The following COLEC12 variants were observed in gnomAD, a reference collection of about 807,000 sequenced individuals.
COLEC12 encodes collectin subfamily member 12, also known as collectin-12.
In COLEC12, 33 loss-of-function variants were observed where a neutral mutation model predicts 71.1. That is an observed-to-expected ratio of 0.46 (90% CI 0.35 to 0.62). The LOEUF (loss-of-function observed/expected upper bound fraction) is 0.62, where lower values mean the gene tolerates loss of function less well. Among genes scored for constraint, COLEC12 ranks in the 20% least tolerant of loss-of-function variants. The pLI is 0.00. For missense variants in COLEC12, 765 were observed against 916.1 expected (o/e 0.84, Z 2.13); for synonymous variants, 350 against 353.0 (o/e 0.99, Z 0.10).
At chr18:478,440 T>C (rs2846663) in intron 2 of COLEC12, among the ~76,000 whole-genome samples, 91,739 of 151,888 alleles carry the variant, frequency 0.6, 27,776 homozygotes, top group South Asian at 0.75. Flanking sequence ...TAGTAAGACA[T>C]TGTCTCTACA....
chr18:463,054 G>A (rs1917013714), intron 2 of COLEC12, among the ~76,000 whole-genome samples: 1 of 152,156 alleles, frequency 6.6e-6, no homozygotes, highest in African/African-American at 2.4e-5. Context: ...GAGGGTGGCA[G>A]GTTCTGAAGA....
At chr18:378,818 A>T (rs898779698) in intron 2 of COLEC12, among the ~76,000 whole-genome samples, 2 of 151,840 alleles carry the variant, frequency 1.3e-5, no homozygotes, top group African/African-American at 4.8e-5. Context: ...TCTCCCCTCC[A>T]TTCTTACATC....
At chr18:350,308 T>G (rs1238295666) in intron 3 of COLEC12, among the ~76,000 whole-genome samples, 1 of 152,178 alleles carries the variant, frequency 6.6e-6, no homozygotes, top group Non-Finnish European at 1.5e-5. Flanking sequence ...TGCTGCCGTG[T>G]AAGAAGTGCC....
chr18:372,077 C>T (rs935383885), intron 2 of COLEC12, among the ~76,000 whole-genome samples: 75 of 152,170 alleles, frequency 4.9e-4, no homozygotes, highest in African/African-American at 1.7e-3. Context: ...AGTACCAACA[C>T]TGTGAACCAG....
At chr18:455,492 GTTTTAC>G (rs1916850308) in intron 2 of COLEC12, among the ~76,000 whole-genome samples, 1 of 151,898 alleles carries the variant, frequency 6.6e-6, no homozygotes, top group Non-Finnish European at 1.5e-5. Context: ...GTTAGCCAGT[GTTTTAC>G]TTTAAGTTCT....
At chr18:367,515 C>G (rs1914882202) in intron 2 of COLEC12, among the ~76,000 whole-genome samples, 1 of 152,194 alleles carries the variant, frequency 6.6e-6, no homozygotes, top group Non-Finnish European at 1.5e-5. Context: ...GTCGAAGACA[C>G]TTAAAATTAA....
chr18:343,518 G>A (rs964541811), intron 5 of COLEC12, among the ~76,000 whole-genome samples: 4 of 151,870 alleles, frequency 2.6e-5, no homozygotes, highest in Middle Eastern at 3.4e-3. Context: ...TATTCTCCTC[G>A]CAGCCCCCAG....
intron 2 of COLEC12, among the ~76,000 whole-genome samples, chr18:376,235 G>A (rs773525676): frequency 3.9e-5 from 6 of 152,166 alleles, no homozygotes; most frequent in Admixed American, 2.0e-4. Flanking sequence ...TCCAGGGACC[G>A]TTTCCTTACA....
chr18:388,145 T>C (rs1384834739), intron 2 of COLEC12, among the ~76,000 whole-genome samples: 1 of 152,140 alleles, frequency 6.6e-6, no homozygotes, highest in African/African-American at 2.4e-5. Context: ...GCAGGAGGGG[T>C]AAGGAACAAA....
At chr18:486,100 T>C (rs1403180267) in intron 1 of COLEC12, among the ~76,000 whole-genome samples, 1 of 152,248 alleles carries the variant, frequency 6.6e-6, no homozygotes, top group African/African-American at 2.4e-5. Flanking sequence ...ATACTCACCA[T>C]GTTTGCAGAA....
At chr18:424,364 C>T (rs1272942523) in intron 2 of COLEC12, 2 of 152,170 alleles carry the variant, frequency 1.3e-5, no homozygotes, top group Non-Finnish European at 2.9e-5. Context: ...GCTATCATAG[C>T]TTTTGCCCCC....
At chr18:434,982 C>T (rs113760375) in intron 2 of COLEC12, among the ~76,000 whole-genome samples, 1,586 of 152,304 alleles carry the variant, frequency 0.01, 26 homozygotes, top group African/African-American at 0.036. Context: ...AATATGCATC[C>T]TTTCAGCCTT....
In COLEC12 at chr18:347,165, A is replaced by G. The variant is rs758478102; in HGVS notation, c.457T>C (p.Leu153=). The change falls in exon 5 of 10, where the codon TTG becomes CTG. Residue 153 remains leucine (L), a synonymous_variant. Coordinates refer to ENST00000400256, the MANE Select transcript of COLEC12 (RefSeq NM_130386.3). ...GDALVDRQSQ[L]KETLENNSFL... ...GAGTTATTCTCCAAAGTTTCTTTCA[A>G]TTGACTCTGCCTGTCCACCAGAGCA... 7.4e-6 allele frequency: 12 copies of G among 1,614,046 alleles called. No homozygotes were observed. The highest frequency in any genetic ancestry group is 1.7e-5 in the Admixed American group (1 of 59,988).
At chr18:448,085 T>C (rs1046243648) in intron 2 of COLEC12, among the ~76,000 whole-genome samples, 2 of 152,246 alleles carry the variant, frequency 1.3e-5, no homozygotes. Context: ...TGTGCTGCTT[T>C]CAAATACCCA....
rs561548824 is a variant in COLEC12 at position 330,458 on chromosome 18, C to T, written c.2063+1210G>A. ...GGAGCCCTGCAGGGTCTGGCCTCTC[C>T]GTCCCCAGCAAACTAAAGGTTACTC... On this transcript the variant is annotated intron_variant, in intron 8 of 9. Coordinates refer to ENST00000400256, the MANE Select transcript of COLEC12 (RefSeq NM_130386.3). Among the ~76,000 whole-genome samples, 51 of 151,918 alleles carry T rather than the reference C, an allele frequency of 3.4e-4. 1 individual carries two copies. In the South Asian group the frequency reaches 4.4e-3, roughly 13 times the overall value.
chr18:492,813 T>C (rs892699922), intron 1 of COLEC12, among the ~76,000 whole-genome samples: 7 of 152,180 alleles, frequency 4.6e-5, no homozygotes, highest in African/African-American at 1.4e-4. Context: ...CTATAATTAT[T>C]TACAAATGTT....
At chr18:462,874 C>T (rs2143737064) in intron 2 of COLEC12, among the ~76,000 whole-genome samples, 1 of 152,282 alleles carries the variant, frequency 6.6e-6, no homozygotes, top group South Asian at 2.1e-4. Flanking sequence ...CTATACGTTT[C>T]TTTTACTTGA....
intron 3 of COLEC12, 82 bp downstream of exon 3, chr18:357,318 A>T: frequency 7.5e-7 from 1 of 1,327,074 alleles, no homozygotes. Flanking sequence ...AATACTTCGT[A>T]TTTGCAAATA....
At chr18:350,438 T>C (rs1914489122) in intron 3 of COLEC12, among the ~76,000 whole-genome samples, 1 of 152,212 alleles carries the variant, frequency 6.6e-6, no homozygotes, top group Non-Finnish European at 1.5e-5. Context: ...AACGGACTAA[T>C]ACAGCCACAC....
Sources: gnomAD v4.1 joint callset for allele counts (sites outside exome capture counted in the v4.1 genomes callset) on GRCh38, gnomAD v4.1.1 for gene constraint, MANE v1.5 for transcripts, NCBI Gene and HGNC (gene_info 2026-07-23, HGNC 2026-07-21) for gene names.